The following EYS variants were observed in gnomAD, a reference collection of about 807,000 sequenced individuals.
EYS encodes EGF-like photoreceptor maintenance factor.
Under a neutral mutation model 282.1 loss-of-function variants are expected in EYS, and 250 were observed. That is an observed-to-expected ratio of 0.89 (90% CI 0.80 to 0.98). The LOEUF is 0.98. EYS is among the 50% of genes least tolerant of loss of function. The pLI, the probability that EYS is intolerant of heterozygous loss-of-function variation, is 0.00. For synonymous variants in EYS, 1,355 were observed against 1,282.9 expected, an observed-to-expected ratio of 1.06 and a Z score of -1.20; for missense variants, 4,016 against 3,709.0, an observed-to-expected ratio of 1.08 and a Z score of -2.15.
chr6:65,035,510 A>C (rs1485231134), intron 13 of EYS, among the ~76,000 whole-genome samples: 5 of 152,154 alleles, frequency 3.3e-5, no homozygotes, highest in Non-Finnish European at 7.3e-5. Context: ...ATCAATGTAC[A>C]AAAATCACTA....
chr6:64,686,761 ATG>A (rs1179411692), intron 22 of EYS, among the ~76,000 whole-genome samples: 4 of 19,460 alleles, frequency 2.1e-4, no homozygotes, highest in African/African-American at 4.0e-4. Context: ...ATATATATAT[ATG>A]TGTGTATATA....
chr6:65,516,615 G>C (rs1767145540), intron 2 of EYS, among the ~76,000 whole-genome samples: 1 of 151,900 alleles, frequency 6.6e-6, no homozygotes, highest in Non-Finnish European at 1.5e-5. Context: ...TTTTATTAAG[G>C]GCTTAATCTG....
chr6:65,454,564 T>TAA (rs202241474), intron 5 of EYS, among the ~76,000 whole-genome samples: 21 of 146,946 alleles, frequency 1.4e-4, no homozygotes, highest in African/African-American at 5.2e-4. Flanking sequence ...AGGTTTTATT[T>TAA]AAAAAAAAAA....
At position 65,002,318 on chromosome 6, in the gene EYS, G is replaced by T. The variant is rs1298584037; in HGVS notation, c.2138-4615C>A. ...GAAATTTTAAAATACAATCTTGGAA[G>T]TGCCAAAATCTGGAACAAAAATAAT... On this transcript the variant is annotated intron_variant, in intron 13 of 42. Transcript: ENST00000503581. Among the ~76,000 whole-genome samples, 3 of 147,604 alleles carry T rather than the reference G, an allele frequency of 2.0e-5. 1 individual carries two copies. The highest frequency in any genetic ancestry group is 4.5e-5 in the Non-Finnish European group (3 of 66,012).
chr6:64,294,678 GTTA>G (rs1366907993), intron 30 of EYS, among the ~76,000 whole-genome samples: 2 of 152,202 alleles, frequency 1.3e-5, no homozygotes, highest in Middle Eastern at 3.4e-3. Flanking sequence ...TTTCACTGTG[GTTA>G]TACTTGCACT....
chr6:65,678,065 G>C (rs1768686547), intron 1 of EYS, among the ~76,000 whole-genome samples: 1 of 152,048 alleles, frequency 6.6e-6, no homozygotes, highest in South Asian at 2.1e-4. Context: ...TTTGCTTCTG[G>C]TGAGGGATTC....
chr6:65,476,083 A>T (rs1349672225), intron 5 of EYS, among the ~76,000 whole-genome samples: 3 of 152,144 alleles, frequency 2.0e-5, no homozygotes, highest in Non-Finnish European at 4.4e-5. Context: ...ATTTAAAAAA[A>T]AGTAACTTGC....
chr6:64,823,443 A>G (rs1764957240), intron 19 of EYS, among the ~76,000 whole-genome samples: 1 of 152,092 alleles, frequency 6.6e-6, no homozygotes, highest in East Asian at 1.9e-4. Flanking sequence ...AAACACCGAG[A>G]TGATAACATA....
intron 12 of EYS, among the ~76,000 whole-genome samples, chr6:65,083,310 C>A (rs779467838): frequency 3.3e-5 from 5 of 151,844 alleles, no homozygotes; most frequent in Admixed American, 1.3e-4. Flanking sequence ...GTGAATTAAT[C>A]AAAAATTTAA....
chr6:65,690,519 T>G (rs1168714959), intron 1 of EYS, among the ~76,000 whole-genome samples: 4 of 150,096 alleles, frequency 2.7e-5, no homozygotes, highest in African/African-American at 9.7e-5. Flanking sequence ...CGTCCATTCA[T>G]AGGCTCTCTG....
intron 30 of EYS, among the ~76,000 whole-genome samples, chr6:64,286,714 GA>G (rs1166898200): frequency 2.6e-5 from 4 of 152,016 alleles, no homozygotes; most frequent in Non-Finnish European, 5.9e-5. Context: ...AAGTGTAAAA[GA>G]AAAAGAAAAG....
chr6:64,396,409 T>C (rs932939377), intron 28 of EYS, among the ~76,000 whole-genome samples: 4 of 152,140 alleles, frequency 2.6e-5, no homozygotes, highest in African/African-American at 9.7e-5. Context: ...ACTTTGGGTA[T>C]CTTACTGTTT....
At chr6:65,330,560 C>T (rs532742611) in intron 11 of EYS, 1 of 981,694 alleles carries the variant, frequency 1.0e-6, no homozygotes, top group African/African-American at 1.8e-5. Context: ...ATATGCAGAC[C>T]TGTTTGCAAT....
intron 2 of EYS, among the ~76,000 whole-genome samples, chr6:65,637,582 T>C (rs1767134030): frequency 6.6e-6 from 1 of 152,172 alleles, no homozygotes; most frequent in African/African-American, 2.4e-5. Context: ...ACTGCACTCT[T>C]GGGGGCCCAG....
At chr6:65,175,169 T>C (rs546600091) in intron 12 of EYS, among the ~76,000 whole-genome samples, 3 of 151,382 alleles carry the variant, frequency 2.0e-5, no homozygotes, top group South Asian at 4.2e-4. Flanking sequence ...CAAACAAAAA[T>C]AGTAGGTCAA....
rs1219016723 is a variant in EYS at position 65,140,663 on chromosome 6, C to T, written c.2024-82936G>A. Reference sequence around the variant, plus strand: ...TTGACAAGAAGAAAACAAACAACCCCATCAAAAAGTGGGCAAAGGATATGA... The same window carrying T: ...TTGACAAGAAGAAAACAAACAACCCTATCAAAAAGTGGGCAAAGGATATGA... On this transcript the variant is annotated intron_variant, in intron 12 of 42. Transcript: ENST00000503581. 3.3e-5 allele frequency among the ~76,000 whole-genome samples: 5 copies of T among 151,598 alleles called. 1 individual carries two copies. Among genetic ancestry groups the T allele is most frequent in the Non-Finnish European group, 5.9e-5 (4 of 67,918 alleles).
At chr6:65,443,780 A>G (rs1768539566) in intron 5 of EYS, among the ~76,000 whole-genome samples, 1 of 151,602 alleles carries the variant, frequency 6.6e-6, no homozygotes, top group South Asian at 2.1e-4. Context: ...ATATTCATAT[A>G]TAGTTACATA....
At chr6:65,310,384 T>A (rs566183521) in intron 11 of EYS, among the ~76,000 whole-genome samples, 1 of 152,104 alleles carries the variant, frequency 6.6e-6, no homozygotes, top group African/African-American at 2.4e-5. Context: ...TATAGATATA[T>A]CTGGGATTAG....
chr6:63,960,244 G>C (rs1052979751), intron 35 of EYS, among the ~76,000 whole-genome samples: 1 of 152,086 alleles, frequency 6.6e-6, no homozygotes, highest in Non-Finnish European at 1.5e-5. Flanking sequence ...TTGAGGGTTC[G>C]GGACTTCAGT....
Sources: gnomAD v4.1 joint callset for allele counts (sites outside exome capture counted in the v4.1 genomes callset) on GRCh38, gnomAD v4.1.1 for gene constraint, MANE v1.5 for transcripts, NCBI Gene and HGNC (gene_info 2026-07-23, HGNC 2026-07-21) for gene names.